The following C3orf20 variants were observed in gnomAD, a reference collection of about 807,000 sequenced individuals.
The protein encoded by C3orf20 is family with sequence similarity 149 member C, also known as uncharacterized protein C3orf20.
A neutral mutation model predicts 88.3 loss-of-function variants in C3orf20; 76 were observed. That is an observed-to-expected ratio of 0.86 (90% CI 0.72 to 1.04). C3orf20 has a LOEUF of 1.04. Among genes scored for constraint, C3orf20 ranks in the 50% least tolerant of loss-of-function variants. The probability of loss-of-function intolerance (pLI) is 0.00; values close to 1 mark genes in which losing one functional copy is unlikely to be tolerated. For missense variants in C3orf20, 1,056 were observed against 1,123.3 expected, an observed-to-expected ratio of 0.94 and a Z score of 0.86; for synonymous variants, 436 against 437.4, an observed-to-expected ratio of 1.00 and a Z score of 0.04.
intron 12 of C3orf20, among the ~76,000 whole-genome samples, chr3:14,756,325 G>T (rs2125029304): frequency 6.6e-6 from 1 of 151,770 alleles, no homozygotes. Flanking sequence ...ACATAGTAGG[G>T]GCCCAACAAA....
chr3:14,708,591 T>C (rs1422957458), intron 7 of C3orf20, among the ~76,000 whole-genome samples: 1 of 152,178 alleles, frequency 6.6e-6, no homozygotes, highest in African/African-American at 2.4e-5. Flanking sequence ...AGGCATTGCA[T>C]TGATTCTGTA....
In C3orf20 at chr3:14,772,333, A is replaced by G. The variant is rs2035884059; in HGVS notation, c.2630+132A>G. 3.6e-6 allele frequency: 4 copies of G among 1,125,014 alleles called. No individual in the cohort carries two copies. Among genetic ancestry groups the G allele is most frequent in the Non-Finnish European group, 5.1e-6 (4 of 780,626 alleles). The allele number at this position is 1,125,014 out of a possible 1,614,324, so 69.7% of individuals were successfully genotyped here. Reference sequence around the variant, plus strand: ...TCCAACCATCGCTGACATCTAGCCCATGTAATCAACACAATATTGGGCGGG... The same window carrying G: ...TCCAACCATCGCTGACATCTAGCCCGTGTAATCAACACAATATTGGGCGGG... On this transcript the variant is annotated intron_variant, in intron 16 of 16. Transcript: ENST00000253697. This position sits in a 1 kb window ranked among gnomAD's most constrained non-coding sequence, Gnocchi z 4.2.
chr3:14,772,745 T>G lies in C3orf20; in HGVS notation c.2631-46T>G. On this transcript the variant is annotated intron_variant, in intron 16 of 16. Transcript: ENST00000253697. The surrounding 1 kb of genome is among the most constrained non-coding windows in gnomAD (Gnocchi z 4.2). The stretch of plus-strand genomic sequence containing the variant: ...AACCGGGCCTGGGCTCTGGGCACTG[T>G]GAAGAACAGCCCTTCCGCCTCCCGG... The G allele has an allele frequency of 6.6e-7, 1 of 1,522,626 alleles. No homozygotes were observed. The highest frequency in any genetic ancestry group is 1.1e-5 in the South Asian group (1 of 88,482). The allele number at this position is 1,522,626 out of a possible 1,614,324, so 94.3% of individuals were successfully genotyped here. A position where few individuals can be genotyped will look rare whatever the true frequency, so the allele number is the denominator to read the frequency against.
chr3:14,754,114 C>G (rs533338041), intron 12 of C3orf20, among the ~76,000 whole-genome samples: 39 of 152,314 alleles, frequency 2.6e-4, no homozygotes, highest in African/African-American at 9.4e-4. Flanking sequence ...CCTTTCAAAG[C>G]CTTATTCTCC....
intron 15 of C3orf20, among the ~76,000 whole-genome samples, chr3:14,762,042 G>A (rs2035578818): frequency 6.6e-6 from 1 of 152,202 alleles, no homozygotes; most frequent in African/African-American, 2.4e-5. Context: ...ACCACCTCAT[G>A]TGCAAGCTGG....
At chr3:14,749,086 C>T (rs1445267475) in intron 12 of C3orf20, among the ~76,000 whole-genome samples, 5 of 152,116 alleles carry the variant, frequency 3.3e-5, no homozygotes, top group Admixed American at 3.3e-4. Flanking sequence ...CCTATTTCTT[C>T]CTTCAATTCT....
intron 5 of C3orf20, among the ~76,000 whole-genome samples, 163 bp from the exon 6 acceptor site, chr3:14,702,967 A>G (rs2033336066): frequency 6.6e-6 from 1 of 152,148 alleles, no homozygotes; most frequent in East Asian, 1.9e-4. Context: ...GCCAAAACAA[A>G]GGGGTTACAG....
chr3:14,687,386 A>C (rs537764539), intron 4 of C3orf20, among the ~76,000 whole-genome samples: 79 of 152,326 alleles, frequency 5.2e-4, no homozygotes, highest in Non-Finnish European at 8.2e-4. Flanking sequence ...CACAGTGTTT[A>C]CCATGAAATG....
chr3:14,702,806 C>T (rs901622000), intron 5 of C3orf20, among the ~76,000 whole-genome samples: 1 of 152,138 alleles, frequency 6.6e-6, no homozygotes, highest in Admixed American at 6.6e-5. Context: ...ACTCATTTCA[C>T]CATTAACCCA....
chr3:14,738,649 T>C (rs1469504585), intron 12 of C3orf20, among the ~76,000 whole-genome samples: 2 of 139,248 alleles, frequency 1.4e-5, no homozygotes, highest in African/African-American at 2.7e-5. Flanking sequence ...TTTTTTTTTT[T>C]TTTGACAGAG....
intron 10 of C3orf20, 57 bp from the exon 11 acceptor site, chr3:14,726,844 G>C: frequency 6.2e-7 from 1 of 1,611,010 alleles, no homozygotes; most frequent in South Asian, 1.1e-5. Context: ...TCCTGGACTA[G>C]GCAGCTGGCT....
chr3:14,749,902 T>A (rs2035170651), intron 12 of C3orf20, among the ~76,000 whole-genome samples: 1 of 152,202 alleles, frequency 6.6e-6, no homozygotes, highest in African/African-American at 2.4e-5. Context: ...CTACTTTATG[T>A]TGACATTGTT....
intron 1 of C3orf20, among the ~76,000 whole-genome samples, chr3:14,676,134 T>C (rs2031757345): frequency 6.9e-6 from 1 of 144,588 alleles, no homozygotes; most frequent in South Asian, 2.4e-4. Flanking sequence ...TTTTGGTCAT[T>C]ATTCCCTGCG....
intron 15 of C3orf20, among the ~76,000 whole-genome samples, chr3:14,764,480 T>TTTA (rs374160361): frequency 0.04 from 6,007 of 148,656 alleles, 178 homozygotes; most frequent in Admixed American, 0.078. Context: ...AACACAATCG[T>TTTA]TTATTATTAT....
intron 12 of C3orf20, among the ~76,000 whole-genome samples, chr3:14,740,129 A>G (rs541865830): frequency 3.3e-5 from 5 of 152,276 alleles, no homozygotes; most frequent in East Asian, 1.9e-4. Context: ...ATTTAAACCT[A>G]TCTCAGCTTT....
At position 14,757,320 on chromosome 3, in the gene C3orf20, A is replaced by C. The variant is rs781659036; in HGVS notation, c.1941-51A>C. 4 of 1,505,602 alleles carry C rather than the reference A, an allele frequency of 2.7e-6. No homozygotes were observed. The African/African-American group carries it at 4.2e-5, about 16-fold the overall frequency. 93.3% of individuals were successfully genotyped at this position (1,505,602 alleles called of 1,614,324 possible). ...GGAGCCAGGGGGCTCTGGGAACCAC[A>C]GACCTTCACCACCTTCTGAGGGTCC... On this transcript the variant is annotated intron_variant, in intron 12 of 16. Transcript: ENST00000253697.
chr3:14,686,099 A>G (rs927360591), intron 4 of C3orf20, among the ~76,000 whole-genome samples: 6 of 151,868 alleles, frequency 4.0e-5, no homozygotes, highest in Non-Finnish European at 8.8e-5. Context: ...TGACCTTGTG[A>G]TCCGTCTGCC....
intron 7 of C3orf20, among the ~76,000 whole-genome samples, chr3:14,707,154 C>A (rs1267917731): frequency 6.9e-6 from 1 of 144,714 alleles, no homozygotes; most frequent in Non-Finnish European, 1.5e-5. Context: ...GAGGCTGAGG[C>A]AGGAGAATGG....
intron 6 of C3orf20, 40 bp downstream of exon 6, chr3:14,703,302 C>T: frequency 6.2e-7 from 1 of 1,611,522 alleles, no homozygotes. Flanking sequence ...GTCAAGGGTT[C>T]TCAGAAAGCC....
Sources: allele counts gnomAD v4.1 joint callset (sites outside exome capture counted in the v4.1 genomes callset), GRCh38; gene constraint gnomAD v4.1.1; non-coding constraint Gnocchi (gnomAD v3.1); transcripts MANE v1.5; gene names NCBI Gene and HGNC (gene_info 2026-07-23, HGNC 2026-07-21).